Variants in CEMIP2 observed in about 807,000 individuals in gnomAD.
The protein encoded by CEMIP2 is cell surface hyaluronidase CEMIP2.
CEMIP2 carries 79 observed loss-of-function variants against 146.9 expected under a neutral mutation model. The observed-to-expected ratio is 0.54, with a 90% confidence interval of 0.45 to 0.65. The LOEUF (loss-of-function observed/expected upper bound fraction) is 0.65. Among genes scored for constraint, CEMIP2 ranks in the 30% least tolerant of loss-of-function variants. The pLI is 0.00. For missense variants in CEMIP2, 1,596 were observed against 1,696.2 expected, an observed-to-expected ratio of 0.94 and a Z score of 1.04; for synonymous variants, 601 against 606.3, an observed-to-expected ratio of 0.99 and a Z score of 0.13.
chr9:71,718,034 A>G lies in CEMIP2; in HGVS notation c.2313T>C (p.Ala771=). 1 of 1,613,198 alleles carries G rather than the reference A, an allele frequency of 6.2e-7. No individual in the cohort carries two copies. The part of the protein sequence containing the change: ...QDANPEKPRV[A]ALIDRLIAFK... ...AAGCAATGAGCCTGTCAATTAGAGC[A>G]GCAACACGTGGTTTTTCGGGGTTTG... The change falls in exon 13 of 24, where the codon GCT becomes GCC. Residue 771 remains alanine (A), a synonymous_variant. Coordinates refer to ENST00000377044, the MANE Select transcript of CEMIP2 (RefSeq NM_013390.3).
At chr9:71,699,034 T>TAAAAAAAAA (rs34810834) in intron 19 of CEMIP2, among the ~76,000 whole-genome samples, 1 of 132,860 alleles carries the variant, frequency 7.5e-6, no homozygotes, top group Non-Finnish European at 1.6e-5. Context: ...CTGAGAGCAT[T>TAAAAAAAAA]AAAAAAAAAA....
At position 71,750,113 on chromosome 9, in the gene CEMIP2, A is replaced by C; in HGVS notation, c.261T>G (p.Ala87=). 6.2e-7 allele frequency: 1 copy of C among 1,613,948 alleles called. No homozygotes were observed. Among genetic ancestry groups the C allele is most frequent in the Non-Finnish European group, 8.5e-7 (1 of 1,179,992 alleles). ...CAATAAAAAATGAGAAACTAGTAAT[A>C]GCAAAACAAATGAAAGTATTTTTGT... ...KRHKNTFICF[A]ITSFSFFIAL... is the part of the protein sequence containing the mutation. Residue 87 remains alanine (A), a synonymous_variant, in exon 2 of 24, where the codon GCT becomes GCG. Coordinates refer to ENST00000377044, the MANE Select transcript of CEMIP2 (RefSeq NM_013390.3).
chr9:71,729,742 G>A (rs1462108228), intron 10 of CEMIP2, 103 bp downstream of exon 10: 2 of 1,101,798 alleles, frequency 1.8e-6, no homozygotes, highest in Non-Finnish European at 2.7e-6. Context: ...ACAATGTCAT[G>A]CTTGGGTTAC....
intron 16 of CEMIP2, among the ~76,000 whole-genome samples, chr9:71,710,095 G>C (rs1822864002): frequency 6.6e-6 from 1 of 152,136 alleles, no homozygotes; most frequent in Admixed American, 6.5e-5. Context: ...ACTAGAATCT[G>C]CTAAAAAGCT....
chr9:71,708,282 T>C (rs1822809855), intron 17 of CEMIP2, among the ~76,000 whole-genome samples: 1 of 152,224 alleles, frequency 6.6e-6, no homozygotes, highest in Non-Finnish European at 1.5e-5. Context: ...CCTGGGCAGC[T>C]GGTACCTCCA....
At chr9:71,752,084 A>T (rs1824270455) in intron 1 of CEMIP2, among the ~76,000 whole-genome samples, 1 of 152,120 alleles carries the variant, frequency 6.6e-6, no homozygotes, top group African/African-American at 2.4e-5. Flanking sequence ...CATTTTACAC[A>T]TGAGAGAAAC....
intron 6 of CEMIP2, among the ~76,000 whole-genome samples, 166 bp from the exon 7 acceptor site, chr9:71,732,686 A>ATTTTTTTTTTTTTTTTTTTTTTTT (rs59985618): frequency 1.3e-5 from 1 of 75,816 alleles, no homozygotes; most frequent in African/African-American, 6.2e-5. Flanking sequence ...GACACGGGGA[A>ATTTTTTTTTTTTTTTTTTTTTTTT]TTTTTTTTTT....
intron 4 of CEMIP2, among the ~76,000 whole-genome samples, chr9:71,741,462 G>A (rs1823913149): frequency 6.6e-6 from 1 of 151,734 alleles, no homozygotes; most frequent in Non-Finnish European, 1.5e-5. Context: ...CTCCCAAAGT[G>A]CTGGGATTAC....
chr9:71,715,504 C>T (rs1823024854), intron 14 of CEMIP2, among the ~76,000 whole-genome samples: 1 of 150,764 alleles, frequency 6.6e-6, no homozygotes, highest in African/African-American at 2.4e-5. Context: ...TTTAGCCTCC[C>T]AAAATGCTGG....
At chr9:71,755,293 T>C (rs1824396892) in intron 1 of CEMIP2, among the ~76,000 whole-genome samples, 1 of 149,768 alleles carries the variant, frequency 6.7e-6, no homozygotes, top group Admixed American at 6.7e-5. Flanking sequence ...GGAGGATTGC[T>C]TGAGGCCAGG....
rs768736110 is a variant in CEMIP2, at chr9:71,745,055, G to A, written c.997C>T (p.Arg333Trp). The A allele has an allele frequency of 2.5e-6, 4 of 1,614,104 alleles. No homozygotes were observed. The highest frequency in any genetic ancestry group is 2.2e-5 in the South Asian group (2 of 91,088). The change falls in exon 4 of 24, where the codon CGG becomes TGG. Residue 333 changes from arginine to tryptophan, a missense_variant. By Grantham distance (101) the Arg-to-Trp change is moderately radical. Transcript: ENST00000377044. ...LQGTIQMIQE[R>W]LGSELIQGLG... The stretch of plus-strand genomic sequence containing the variant: ...CCTTGGATCAGTTCACTTCCCAACC[G>A]TTCCTGGATCATCTGGATGGTTCCT...
At chr9:71,764,792 A>C (rs1824738717) in intron 1 of CEMIP2, among the ~76,000 whole-genome samples, 1 of 149,568 alleles carries the variant, frequency 6.7e-6, no homozygotes, top group Admixed American at 6.7e-5. Context: ...TCGCCTAGAC[A>C]GCAGCTGCTG....
At chr9:71,764,819 C>T (rs939936084) in intron 1 of CEMIP2, among the ~76,000 whole-genome samples, 1 of 117,138 alleles carries the variant, frequency 8.5e-6, no homozygotes, top group Non-Finnish European at 2.2e-5. Context: ...AGAGAATAGA[C>T]TTTAACAATC....
At chr9:71,727,008 T>A (rs1482174259) in intron 10 of CEMIP2, among the ~76,000 whole-genome samples, 1 of 152,060 alleles carries the variant, frequency 6.6e-6, no homozygotes, top group Non-Finnish European at 1.5e-5. Context: ...TAAAAGGCAG[T>A]GGAAAGGTAC....
rs1285247784 is a variant in CEMIP2, at chr9:71,732,371, T to C, written c.1543A>G (p.Thr515Ala). Residue 515 changes from threonine to alanine, a missense_variant, in exon 7 of 24, where the codon ACC becomes GCC. By Grantham distance (58) the Thr-to-Ala change is moderately conservative. Transcript: ENST00000377044. ...CCTACCATAATGTGTCCCCCAAAGG[T>C]ATCATAATCAAAAAATTGGCACTGA... ...ENQCQFFDYDTFGGHIMIMKN... is the reference protein window; with the variant it reads ...ENQCQFFDYDAFGGHIMIMKN... 3.1e-6 allele frequency: 5 copies of C among 1,612,350 alleles called. No individual in the cohort carries two copies. Among genetic ancestry groups the C allele is most frequent in the Non-Finnish European group, 4.2e-6 (5 of 1,179,502 alleles).
intron 16 of CEMIP2, among the ~76,000 whole-genome samples, chr9:71,711,001 T>C (rs767486030): frequency 5.3e-5 from 8 of 152,160 alleles, no homozygotes; most frequent in Non-Finnish European, 8.8e-5. Flanking sequence ...GAAAGAATGA[T>C]GACTTATTTC....
chr9:71,756,618 T>C (rs1227408656), intron 1 of CEMIP2, among the ~76,000 whole-genome samples: 1 of 152,002 alleles, frequency 6.6e-6, no homozygotes, highest in Admixed American at 6.6e-5. Flanking sequence ...CTCTGGGCAA[T>C]TTGACTAATT....
At position 71,745,300 on chromosome 9, in the gene CEMIP2, C is replaced by G. The variant is rs150643177; in HGVS notation, c.752G>C (p.Gly251Ala). 80 of 1,613,860 alleles carry G rather than the reference C, an allele frequency of 5.0e-5. 1 individual carries two copies. Among genetic ancestry groups the G allele is most frequent in the African/African-American group, 2.5e-4 (19 of 75,026 alleles). Reference protein sequence around the residue: ...TLLARTLNSSGLPFGSYTFEK... With the variant: ...TLLARTLNSSALPFGSYTFEK... ...AAAGGTATAGGACCCAAAGGGCAAG[C>G]CTGAGGAATTCAGGGTCCTTGCCAA... Residue 251 changes from glycine (G) to alanine (A), a missense_variant, in exon 4 of 24, where the codon GGC becomes GCC. Transcript: ENST00000377044.
At chr9:71,687,399 TCTC>T (rs1190141884) in intron 22 of CEMIP2, 1 of 152,152 alleles carries the variant, frequency 6.6e-6, no homozygotes, top group East Asian at 1.9e-4. Context: ...AAACAGAGTC[TCTC>T]CTTTTATTCA....
Sources: gnomAD v4.1 joint callset for allele counts (sites outside exome capture counted in the v4.1 genomes callset) on GRCh38, gnomAD v4.1.1 for gene constraint, MANE v1.5 for transcripts, NCBI Gene and HGNC (gene_info 2026-07-23, HGNC 2026-07-21) for gene names.